Variants in AGPAT3 observed in about 807,000 individuals in gnomAD.
AGPAT3 encodes the protein 1-acyl-sn-glycerol-3-phosphate acyltransferase gamma.
AGPAT3 carries 5 observed loss-of-function variants against 47.3 expected under a neutral mutation model. The ratio of observed to expected loss-of-function variants is 0.11; its 90% confidence interval spans 0.06 to 0.22. The LOEUF is 0.22. AGPAT3 is among the 10% of genes least tolerant of loss of function. The pLI is 1.00. For missense variants in AGPAT3, 315 were observed against 493.0 expected (o/e 0.64, Z 3.42); for synonymous variants, 212 against 208.3 (o/e 1.02, Z -0.15).
intron 1 of AGPAT3, among the ~76,000 whole-genome samples, chr21:43,895,126 A>G (rs1025488533): frequency 2.7e-5 from 4 of 148,180 alleles, no homozygotes; most frequent in African/African-American, 1.0e-4. Context: ...TTTTTTTGAG[A>G]CAGAGTCTTG....
chr21:43,909,896 G>A (rs968728156), intron 2 of AGPAT3, among the ~76,000 whole-genome samples: 3 of 152,142 alleles, frequency 2.0e-5, no homozygotes, highest in Non-Finnish European at 4.4e-5. Flanking sequence ...GGTGGGGAGG[G>A]GGGCCCAGGC....
intron 1 of AGPAT3, among the ~76,000 whole-genome samples, chr21:43,881,769 T>A (rs2085858021): frequency 6.6e-6 from 1 of 152,132 alleles, no homozygotes. Context: ...CATTCTCCTG[T>A]CTCAGCCTCC....
rs978266849 is a variant in AGPAT3 at position 43,880,323 on chromosome 21, T to C, written c.-112+14978T>C. Among the ~76,000 whole-genome samples the C allele has an allele frequency of 1.3e-5, 2 of 152,206 alleles. No individual in the cohort carries two copies. Among genetic ancestry groups the C allele is most frequent in the African/African-American group, 4.8e-5 (2 of 41,450 alleles). Reference sequence around the variant, plus strand: ...GCGGCAGGGGCAGCCACTGTTCCTGTGGAACACACTGGAGAGGCATCTGCA... The same window carrying C: ...GCGGCAGGGGCAGCCACTGTTCCTGCGGAACACACTGGAGAGGCATCTGCA... On this transcript the variant is annotated intron_variant, in intron 1 of 9. Coordinates refer to ENST00000291572, the MANE Select transcript of AGPAT3 (RefSeq NM_020132.5). The surrounding 1 kb of genome is among the most constrained non-coding windows in gnomAD (Gnocchi z 4.5).
At chr21:43,912,700 A>G (rs556176525) in intron 2 of AGPAT3, among the ~76,000 whole-genome samples, 13 of 152,354 alleles carry the variant, frequency 8.5e-5, no homozygotes, top group African/African-American at 1.2e-4. Context: ...CTTATCGTCA[A>G]TAGTCCTGTT....
chr21:43,949,525 G>A (rs1185885093), intron 2 of AGPAT3, among the ~76,000 whole-genome samples: 1 of 152,238 alleles, frequency 6.6e-6, no homozygotes, highest in Non-Finnish European at 1.5e-5. Context: ...GAAGTCCTGT[G>A]ACACCAATCC....
intron 2 of AGPAT3, among the ~76,000 whole-genome samples, chr21:43,947,737 G>A (rs1162220145): frequency 1.3e-5 from 2 of 148,524 alleles, no homozygotes; most frequent in African/African-American, 2.5e-5. Flanking sequence ...ACTGCCTCCC[G>A]GGTTCAAGTG....
rs1394445824 is a variant in AGPAT3 at position 43,982,952 on chromosome 21, C to A, written c.*560C>A. 1 of 152,990 alleles carries A rather than the reference C, an allele frequency of 6.5e-6. No individual in the cohort carries two copies. Among genetic ancestry groups the A allele is most frequent in the Non-Finnish European group, 1.5e-5 (1 of 68,682 alleles). 9.5% of individuals were successfully genotyped at this position (152,990 alleles called of 1,614,324 possible). ...ACCGGCACGAACGTCAGGTCCATTC[C>A]TCGAAGTCGGAGCCCTCACTCTGCC... is the stretch of plus-strand genomic sequence containing the variant. On this transcript the variant is annotated 3_prime_UTR_variant, in exon 10 of 10. Transcript: ENST00000291572. The surrounding 1 kb of genome is among the most constrained non-coding windows in gnomAD (Gnocchi z 6.2).
At chr21:43,963,392 G>A (rs556962493) in intron 3 of AGPAT3, among the ~76,000 whole-genome samples, 5 of 152,184 alleles carry the variant, frequency 3.3e-5, no homozygotes, top group African/African-American at 1.2e-4. Flanking sequence ...ACCTAGGCAG[G>A]CCCTGGGGCA....
intron 8 of AGPAT3, among the ~76,000 whole-genome samples, chr21:43,980,608 G>T (rs1230150878): frequency 2.6e-5 from 4 of 152,348 alleles, no homozygotes; most frequent in African/African-American, 4.8e-5. Context: ...CATCCAGGCC[G>T]CGGGACTCAC....
chr21:43,980,940 A>G (rs1324020037), intron 8 of AGPAT3, 49 bp from the exon 9 acceptor site: 1 of 1,539,342 alleles, frequency 6.5e-7, no homozygotes, highest in Non-Finnish European at 9.0e-7. Flanking sequence ...TTGAAATAAT[A>G]GCTTGTAAAG....
At position 43,952,986 on chromosome 21, in the gene AGPAT3, G is replaced by A. The variant is rs1207356297; in HGVS notation, c.-48-6648G>A. Among the ~76,000 whole-genome samples, 6 of 152,194 alleles carry A rather than the reference G, an allele frequency of 3.9e-5. No homozygotes were observed. The highest frequency in any genetic ancestry group is 2.1e-4 in the South Asian group (1 of 4,834). ...TGGTGCCACCATAACCAAGTGAGGC[G>A]AGGTTCCACATCGCCGGCCAAGTGG... On this transcript the variant is annotated intron_variant, in intron 2 of 9. Coordinates refer to ENST00000291572, the MANE Select transcript of AGPAT3 (RefSeq NM_020132.5). This position sits in a 1 kb window ranked among gnomAD's most constrained non-coding sequence, Gnocchi z 5.6.
Position 43,971,476 on chromosome 21 carries a change from G to A in AGPAT3, c.753G>A (p.Ala251=), listed in dbSNP as rs779746681. Residue 251 remains alanine, a synonymous_variant, in exon 7 of 10, where the codon GCG becomes GCA. Transcript: ENST00000291572. ...LGILYGKKYE[A]DMCVRRFPLE... Reference sequence around the variant, plus strand: ...TCCTCTACGGGAAGAAGTACGAGGCGGACATGTGCGTGAGGTGAGGCCAGA... The same window carrying A: ...TCCTCTACGGGAAGAAGTACGAGGCAGACATGTGCGTGAGGTGAGGCCAGA... 1.5e-5 allele frequency: 24 copies of A among 1,614,068 alleles called. No individual in the cohort carries two copies. The highest frequency in any genetic ancestry group is 9.9e-5 in the South Asian group (9 of 91,080).
chr21:43,944,601 A>T (rs886419337), intron 2 of AGPAT3, among the ~76,000 whole-genome samples: 4 of 152,172 alleles, frequency 2.6e-5, no homozygotes, highest in Non-Finnish European at 1.5e-5. Flanking sequence ...AAGCACAGAA[A>T]ACCAGCCTTG....
At chr21:43,888,052 TA>T (rs1358421057) in intron 1 of AGPAT3, among the ~76,000 whole-genome samples, 1 of 152,236 alleles carries the variant, frequency 6.6e-6, no homozygotes, top group African/African-American at 2.4e-5. Flanking sequence ...TTTGTTTGTT[TA>T]TTTTTGAGAC....
intron 1 of AGPAT3, among the ~76,000 whole-genome samples, chr21:43,897,544 C>A (rs923051616): frequency 6.6e-6 from 1 of 151,206 alleles, no homozygotes; most frequent in Admixed American, 6.6e-5. Flanking sequence ...CCTCACATCC[C>A]AGAGGGGGCG....
intron 2 of AGPAT3, among the ~76,000 whole-genome samples, chr21:43,906,334 G>A (rs527413296): frequency 6.6e-6 from 1 of 152,084 alleles, no homozygotes; most frequent in Non-Finnish European, 1.5e-5. Flanking sequence ...GCTCCCCCCC[G>A]CCCAAGCTGG....
chr21:43,959,820 C>CGCCGCCTCAACT lies in AGPAT3; in HGVS notation c.148_159dup (p.Asn50_Leu53dup), dbSNP rs1415059101. The CGCCGCCTCAACT allele has an allele frequency of 6.2e-7, 1 of 1,611,938 alleles. No individual in the cohort carries two copies. Among genetic ancestry groups the CGCCGCCTCAACT allele is most frequent in the Non-Finnish European group, 8.5e-7 (1 of 1,179,882 alleles). ...CTGGCCGGTCAGCAAGCAGCTCTAC[C>CGCCGCCTCAACT]GCCGCCTCAACTGCCGCCTCGCCTA... On this transcript the variant is annotated inframe_insertion, in exon 3 of 10. Transcript: ENST00000291572.
At chr21:43,976,459 C>T (rs900509994) in intron 7 of AGPAT3, among the ~76,000 whole-genome samples, 1 of 152,180 alleles carries the variant, frequency 6.6e-6, no homozygotes, top group Non-Finnish European at 1.5e-5. Context: ...CTCGGCTTCC[C>T]GAAGTGCTGG....
chr21:43,904,419 C>T (rs942799192), intron 2 of AGPAT3, among the ~76,000 whole-genome samples: 1 of 152,154 alleles, frequency 6.6e-6, no homozygotes, highest in African/African-American at 2.4e-5. Flanking sequence ...TCCTGGAGAC[C>T]GACTGGGAGC....
Sources: gnomAD v4.1 joint callset for allele counts (sites outside exome capture counted in the v4.1 genomes callset) on GRCh38, gnomAD v4.1.1 for gene constraint, Gnocchi (gnomAD v3.1) non-coding constraint, MANE v1.5 for transcripts, NCBI Gene and HGNC (gene_info 2026-07-23, HGNC 2026-07-21) for gene names.